Variants in CRB2 observed in about 807,000 individuals in gnomAD.
CRB2 encodes the protein crumbs cell polarity complex component 2.
A neutral mutation model predicts 110.9 loss-of-function variants in CRB2; 85 were observed. The observed-to-expected ratio is 0.77, with a 90% CI of 0.64 to 0.92. The LOEUF (loss-of-function observed/expected upper bound fraction) is 0.92, where lower values mean the gene tolerates loss of function less well. Ranked by LOEUF, CRB2 falls within the 40% of genes least tolerant of loss-of-function variation. The pLI is 0.00. For synonymous variants in CRB2, 907 were observed against 831.0 expected (o/e 1.09, Z -1.57); for missense variants, 1,843 against 1,851.3 (o/e 1.00, Z 0.08).
In CRB2 at chr9:123,373,767, C is replaced by T. The variant is rs1182434465; in HGVS notation, c.3236C>T (p.Ala1079Val). The T allele has an allele frequency of 2.5e-6, 4 of 1,590,550 alleles. No individual in the cohort carries two copies. The Admixed American group carries it at 5.0e-5, about 20-fold the overall frequency. The change falls in exon 10 of 13, where the codon GCC becomes GTC. Residue 1079 changes from alanine to valine, a missense_variant. Coordinates refer to ENST00000373631, the MANE Select transcript of CRB2 (RefSeq NM_173689.7). ...GACRDLFDAF[A>V]CACGPGWEGP... ...TGCCGTGACCTCTTCGACGCCTTTG[C>T]CTGCGCCTGCGGCCCGGGGTGGGAA...
Position 123,370,881 on chromosome 9 carries a change from C to A in CRB2, c.1828C>A (p.Arg610=). The A allele has an allele frequency of 6.2e-7, 1 of 1,611,906 alleles. No homozygotes were observed. The highest frequency in any genetic ancestry group is 8.5e-7 in the Non-Finnish European group (1 of 1,180,016). Residue 610 remains arginine (R), a synonymous_variant, in exon 7 of 13, where the codon CGG becomes AGG. Coordinates refer to ENST00000373631, the MANE Select transcript of CRB2 (RefSeq NM_173689.7). The part of the protein sequence containing the change: ...LLGCERREQC[R]PLPCVHGGSC... ...GGGCTGTGAGCGCCGAGAGCAGTGCCGGCCTCTGCCTTGTGTCCACGGAGG... is the reference window on the plus strand; with the variant it reads ...GGGCTGTGAGCGCCGAGAGCAGTGCAGGCCTCTGCCTTGTGTCCACGGAGG...
At chr9:123,372,886 G>T (rs1262416572) in intron 9 of CRB2, among the ~76,000 whole-genome samples, 1 of 152,238 alleles carries the variant, frequency 6.6e-6, no homozygotes, top group African/African-American at 2.4e-5. Context: ...GTGACCTGGA[G>T]GGTCGCCTAG....
chr9:123,377,613 C>G lies in CRB2; in HGVS notation c.*551C>G, dbSNP rs1052718210. The G allele has an allele frequency of 6.6e-6, 1 of 152,412 alleles. No homozygotes were observed. The highest frequency in any genetic ancestry group is 1.5e-5 in the Non-Finnish European group (1 of 68,160). The allele number at this position is 152,412 out of a possible 1,614,324, so 9.4% of individuals were successfully genotyped here. A position where few individuals can be genotyped will look rare whatever the true frequency, so the allele number is the denominator to read the frequency against. On this transcript the variant is annotated 3_prime_UTR_variant, in exon 13 of 13. Coordinates refer to ENST00000373631, the MANE Select transcript of CRB2 (RefSeq NM_173689.7). ...GGGGTTGCCCAGGCACCTCCTTCCC[C>G]GCCTCTGGGGGCTGCTCCTGCTGTG...
Position 123,366,233 on chromosome 9 carries a change from G to T in CRB2, c.621G>T (p.Arg207=). Residue 207 remains arginine, a synonymous_variant, in exon 4 of 13, where the codon CGG becomes CGT. Transcript: ENST00000373631. ...GTCHDLVNGF[R]CDCAGTGYEG... is the part of the protein sequence containing the mutation. ...GCCGGTGCGCCCTCCCCAGGTTCCG[G>T]TGCGACTGCGCGGGCACCGGCTACG... 6.8e-7 allele frequency: 1 copy of T among 1,465,924 alleles called. No homozygotes were observed. Among genetic ancestry groups the T allele is most frequent in the South Asian group, 1.3e-5 (1 of 75,528 alleles). The allele number at this position is 1,465,924 out of a possible 1,614,324, so 90.8% of individuals were successfully genotyped here.
In CRB2 at chr9:123,371,571, T is replaced by A. The variant is rs1381910852; in HGVS notation, c.2429T>A (p.Met810Lys). 6.2e-7 allele frequency: 1 copy of A among 1,612,736 alleles called. No individual in the cohort carries two copies. The highest frequency in any genetic ancestry group is 8.5e-7 in the Non-Finnish European group (1 of 1,179,998). The change falls in exon 8 of 13, where the codon ATG (methionine) becomes AAG (lysine). Residue 810 changes from methionine (M) to lysine (K), a missense_variant. Physicochemically the swap from Met to Lys is moderately conservative, Grantham distance 95 (BLOSUM62 -1). Transcript: ENST00000373631. ...ACTGCGGGCTGCGTCTCCGAGGACA[T>A]GTGCAGTGTAAGTGTCTGGTGGCGG... ...NLTAGCVSEDMCSPDPCFNGG... is the reference protein window; with the variant it reads ...NLTAGCVSEDKCSPDPCFNGG...
At chr9:123,358,852 C>A (rs1030316799) in intron 1 of CRB2, among the ~76,000 whole-genome samples, 2 of 150,802 alleles carry the variant, frequency 1.3e-5, no homozygotes, top group South Asian at 4.1e-4. Context: ...ATGCAGTGAG[C>A]GGTTCCCCAC....
upstream of CRB2, among the ~76,000 whole-genome samples, chr9:123,354,481 C>G (rs975756961): frequency 1.3e-5 from 2 of 152,224 alleles, no homozygotes; most frequent in Admixed American, 6.5e-5. Flanking sequence ...GGCTCACTAA[C>G]GCCACCATTT....
chr9:123,369,083 G>T lies in CRB2; in HGVS notation c.1055-1025G>T, dbSNP rs980169976. 3.5e-6 allele frequency: 2 copies of T among 571,128 alleles called. 1 individual carries two copies. Among genetic ancestry groups the T allele is most frequent in the Non-Finnish European group, 4.9e-6 (2 of 411,320 alleles). The allele number at this position is 571,128 out of a possible 1,614,324, so 35.4% of individuals were successfully genotyped here. A position where few individuals can be genotyped will look rare whatever the true frequency, so the allele number is the denominator to read the frequency against. On this transcript the variant is annotated intron_variant, in intron 6 of 12. Transcript: ENST00000373631. ...TCTCTGGGCCTGGGTTCCTCCAGCT[G>T]GGATGTGGCTCTGGCTGAGCTACAG... is the stretch of plus-strand genomic sequence containing the variant.
At position 123,356,331 on chromosome 9, in the gene CRB2, C is replaced by A. The variant is rs948060868; in HGVS notation, c.71C>A (p.Ala24Asp). The change falls in exon 1 of 13, where the codon GCC becomes GAC. Residue 24 changes from alanine to aspartate, a missense_variant. Transcript: ENST00000373631. Reference sequence around the variant, plus strand: ...TCTGTCCTGCTACTGCTGCTCTGGGCCCCTGCCCTTTCCCTCCTGGCTGGT... The same window carrying A: ...TCTGTCCTGCTACTGCTGCTCTGGGACCCTGCCCTTTCCCTCCTGGCTGGT... ...LASVLLLLLWAPALSLLAGTV... is the reference protein window; with the variant it reads ...LASVLLLLLWDPALSLLAGTV... 10 of 1,547,400 alleles carry A rather than the reference C, an allele frequency of 6.5e-6. No homozygotes were observed. The highest frequency in any genetic ancestry group is 2.0e-5 in the Admixed American group (1 of 50,678).
chr9:123,367,499 C>G, intron 5 of CRB2, 74 bp from the exon 6 acceptor site: 1 of 1,323,928 alleles, frequency 7.6e-7, no homozygotes, highest in Non-Finnish European at 1.0e-6. Context: ...GTCTCTCTAG[C>G]TATAGAATGG....
upstream of CRB2, among the ~76,000 whole-genome samples, chr9:123,354,657 T>C (rs1588198869): frequency 6.6e-6 from 1 of 152,138 alleles, no homozygotes; most frequent in Admixed American, 6.5e-5. Context: ...GATCCTGTTG[T>C]ATTGGAGAGG....
At chr9:123,362,137 C>T (rs1025072110) in intron 1 of CRB2, among the ~76,000 whole-genome samples, 1 of 152,146 alleles carries the variant, frequency 6.6e-6, no homozygotes, top group Non-Finnish European at 1.5e-5. Context: ...GTTCCTAGGC[C>T]AGTGGCTGGC....
At chr9:123,355,580 G>C (rs556757781), upstream of CRB2, among the ~76,000 whole-genome samples, 269 of 150,334 alleles carry the variant, frequency 1.8e-3, no homozygotes, top group Non-Finnish European at 3.3e-3. Context: ...CGGGTGGGAC[G>C]GGGTGGGGAC....
chr9:123,366,320 G>C lies in CRB2; in HGVS notation c.708G>C (p.Ala236=). Residue 236 remains alanine, a synonymous_variant, in exon 4 of 13, where the codon GCG becomes GCC. Transcript: ENST00000373631. ...ECASAPCEHN[A]SCLEGLGSFR... ...CATCGGCGCCCTGCGAGCACAACGC[G>C]TCCTGCCTCGAGGGCCTCGGGAGCT... The C allele has an allele frequency of 6.5e-7, 1 of 1,540,182 alleles. No individual in the cohort carries two copies. Among genetic ancestry groups the C allele is most frequent in the Non-Finnish European group, 8.7e-7 (1 of 1,156,000 alleles).
chr9:123,374,203 G>A lies in CRB2; in HGVS notation c.3389+283G>A, dbSNP rs1364059690. The A allele has an allele frequency of 1.3e-5, 8 of 604,076 alleles. No individual in the cohort carries two copies. The Admixed American group carries it at 1.7e-4, about 13-fold the overall frequency. The allele number at this position is 604,076 out of a possible 1,614,324, so 37.4% of individuals were successfully genotyped here. Reference sequence around the variant, plus strand: ...ATCCCTATTGGTGGCTGGTTGGGGTGGAGGGAGGGGGTCAGGCTTTGGCGC... The same window carrying A: ...ATCCCTATTGGTGGCTGGTTGGGGTAGAGGGAGGGGGTCAGGCTTTGGCGC... On this transcript the variant is annotated intron_variant, in intron 10 of 12. Coordinates refer to ENST00000373631, the MANE Select transcript of CRB2 (RefSeq NM_173689.7).
At chr9:123,378,801 T>TTTG (rs1564382812), downstream of CRB2, 1 of 62,868 alleles carries the variant, frequency 1.6e-5, no homozygotes, top group Non-Finnish European at 2.8e-5. Flanking sequence ...GGTGCCTGTT[T>TTTG]TTTGTTTTTT....
Position 123,378,724 on chromosome 9 carries a change from A to T in CRB2, c.*1662A>T, listed in dbSNP as rs2042145778. 1 of 140,420 alleles carries T rather than the reference A, an allele frequency of 7.1e-6. No homozygotes were observed. The highest frequency in any genetic ancestry group is 7.3e-5 in the Admixed American group (1 of 13,660). 8.7% of individuals were successfully genotyped at this position (140,420 alleles called of 1,614,324 possible). On this transcript the variant is annotated 3_prime_UTR_variant, in exon 13 of 13. Transcript: ENST00000373631. The stretch of plus-strand genomic sequence containing the variant: ...TCAGCTGTAACTCCTAGGATATTTT[A>T]TGTGGAACCTAACATGCAGATGAAA...
downstream of CRB2, chr9:123,378,805 G>GTTTTTT (rs1166539194): frequency 6.9e-5 from 7 of 100,976 alleles, no homozygotes; most frequent in African/African-American, 3.0e-4. Flanking sequence ...CCTGTTTTTT[G>GTTTTTT]TTTTTTTTTT....
chr9:123,368,153 G>A (rs986326852), intron 6 of CRB2, among the ~76,000 whole-genome samples: 9 of 152,014 alleles, frequency 5.9e-5, no homozygotes, highest in Admixed American at 3.3e-4. Flanking sequence ...GAGCTCCACC[G>A]CCAACACTGA....
Sources: gnomAD v4.1 joint callset for allele counts (sites outside exome capture counted in the v4.1 genomes callset) on GRCh38, gnomAD v4.1.1 for gene constraint, MANE v1.5 for transcripts, NCBI Gene and HGNC (gene_info 2026-07-23, HGNC 2026-07-21) for gene names.